SPON1: variants seen among roughly 807,000 people sequenced by gnomAD.
The protein encoded by SPON1 is spondin-1.
SPON1 carries 52 observed loss-of-function variants against 111.7 expected under a neutral mutation model. That is an observed-to-expected ratio of 0.47 (90% CI 0.37 to 0.59). The LOEUF (loss-of-function observed/expected upper bound fraction) is 0.59. SPON1 is among the 20% of genes least tolerant of loss of function. The pLI is 0.00. For missense variants in SPON1, 957 were observed against 1,068.5 expected, an observed-to-expected ratio of 0.90 and a Z score of 1.46; for synonymous variants, 410 against 395.8, an observed-to-expected ratio of 1.04 and a Z score of -0.43.
Position 14,184,877 on chromosome 11 carries a change from C to A in SPON1, c.825+49309C>A, listed in dbSNP as rs1458582449. On this transcript the variant is annotated intron_variant, in intron 6 of 15. Coordinates refer to ENST00000576479, the MANE Select transcript of SPON1 (RefSeq NM_006108.4). Reference sequence around the variant, plus strand: ...GTGCAGCAAGTAGCTACAAACTTGTCACCCTGTCTTTGAGAGATCACTCAT... The same window carrying A: ...GTGCAGCAAGTAGCTACAAACTTGTAACCCTGTCTTTGAGAGATCACTCAT... Among the ~76,000 whole-genome samples, 3 of 152,208 alleles carry A rather than the reference C, an allele frequency of 2.0e-5. No individual in the cohort carries two copies. In the South Asian group the frequency reaches 6.2e-4, roughly 32 times the overall value.
chr11:14,242,891 G>A (rs1203943331), intron 6 of SPON1, among the ~76,000 whole-genome samples: 1 of 152,202 alleles, frequency 6.6e-6, no homozygotes, highest in Non-Finnish European at 1.5e-5. Context: ...AGGCGTTGAG[G>A]GGACAGTCCT....
intron 6 of SPON1, among the ~76,000 whole-genome samples, chr11:14,174,036 A>C (rs541216476): frequency 4.7e-4 from 71 of 152,252 alleles, no homozygotes; most frequent in African/African-American, 1.7e-3. Context: ...CCCTTGGAGG[A>C]ACAGGGCCAG....
chr11:13,979,134 A>G (rs1408849103), intron 1 of SPON1, among the ~76,000 whole-genome samples: 1 of 152,138 alleles, frequency 6.6e-6, no homozygotes, highest in East Asian at 1.9e-4. Context: ...TTTCTTCTGG[A>G]GGGCTCTGAG....
intron 4 of SPON1, among the ~76,000 whole-genome samples, chr11:14,077,713 G>A (rs1183460736): frequency 6.6e-6 from 1 of 151,832 alleles, no homozygotes; most frequent in Non-Finnish European, 1.5e-5. Context: ...TCGAACTCCT[G>A]ACCTCAAGTG....
chr11:14,209,051 T>C (rs1848545544), intron 6 of SPON1, among the ~76,000 whole-genome samples: 1 of 152,214 alleles, frequency 6.6e-6, no homozygotes, highest in Non-Finnish European at 1.5e-5. Flanking sequence ...TCTTAAGTCA[T>C]TGCATACATT....
At chr11:13,978,347 A>T (rs1554909223) in intron 1 of SPON1, among the ~76,000 whole-genome samples, 1 of 152,224 alleles carries the variant, frequency 6.6e-6, no homozygotes, top group Non-Finnish European at 1.5e-5. Flanking sequence ...GATAATTGAC[A>T]TCTTTAGCAA....
intron 7 of SPON1, among the ~76,000 whole-genome samples, chr11:14,247,382 A>G (rs1467373786): frequency 6.6e-6 from 1 of 152,216 alleles, no homozygotes; most frequent in African/African-American, 2.4e-5. Flanking sequence ...TGGGTGACAG[A>G]GCGAGACCCT....
At chr11:14,037,260 A>T (rs1220867488) in intron 2 of SPON1, among the ~76,000 whole-genome samples, 2 of 152,196 alleles carry the variant, frequency 1.3e-5, no homozygotes, top group African/African-American at 2.4e-5. Context: ...TGCTTAAAAG[A>T]CAATGACAAC....
chr11:14,178,047 C>T (rs1466722980), intron 6 of SPON1, among the ~76,000 whole-genome samples: 1 of 128,678 alleles, frequency 7.8e-6, no homozygotes, highest in Non-Finnish European at 1.5e-5. Flanking sequence ...CACACACAAA[C>T]ACACACACAC....
intron 5 of SPON1, among the ~76,000 whole-genome samples, chr11:14,101,118 G>A (rs1528650): frequency 0.13 from 19,015 of 151,742 alleles, 1,419 homozygotes; most frequent in African/African-American, 0.2. Flanking sequence ...CCTGGTTTTC[G>A]GCTGGGCGCA....
chr11:14,066,772 C>G (rs372037949), intron 3 of SPON1, among the ~76,000 whole-genome samples: 74 of 152,328 alleles, frequency 4.9e-4, no homozygotes, highest in African/African-American at 1.4e-3. Flanking sequence ...CACAGGGACC[C>G]TCTGGTTCCC....
rs371477144 is a variant in SPON1 at position 14,254,520 on chromosome 11, G to A, written c.891-8G>A. On this transcript the variant is annotated splice_region_variant and splice_polypyrimidine_tract_variant and intron_variant, in intron 7 of 15. Coordinates refer to ENST00000576479, the MANE Select transcript of SPON1 (RefSeq NM_006108.4). The stretch of plus-strand genomic sequence containing the variant: ...TCTAATATAATGGTCTCTGTATTTC[G>A]TTTCCAGGAGAGCAGCACCTTCAGC... 2.8e-5 allele frequency: 44 copies of A among 1,587,764 alleles called. No individual in the cohort carries two copies. The highest frequency in any genetic ancestry group is 1.7e-4 in the Admixed American group (10 of 57,558).
At chr11:14,107,809 G>A (rs1392823097) in intron 5 of SPON1, among the ~76,000 whole-genome samples, 2 of 152,112 alleles carry the variant, frequency 1.3e-5, no homozygotes, top group Admixed American at 1.3e-4. Flanking sequence ...CAGCTCCCCA[G>A]AAAAGAGTAG....
At chr11:14,045,289 G>A (rs1848659806) in intron 3 of SPON1, among the ~76,000 whole-genome samples, 1 of 152,152 alleles carries the variant, frequency 6.6e-6, no homozygotes, top group Non-Finnish European at 1.5e-5. Flanking sequence ...GATTTACACG[G>A]CCGGGCGTGG....
chr11:14,241,489 C>T (rs181966298), intron 6 of SPON1, among the ~76,000 whole-genome samples: 2 of 152,090 alleles, frequency 1.3e-5, no homozygotes, highest in Non-Finnish European at 2.9e-5. Flanking sequence ...GAGGTGAACA[C>T]AGGAATCCTC....
intron 1 of SPON1, among the ~76,000 whole-genome samples, chr11:13,973,366 C>T (rs57082017): frequency 0.036 from 5,551 of 152,224 alleles, 363 homozygotes; most frequent in African/African-American, 0.13. Flanking sequence ...AGTGGGGGTC[C>T]CCCAGAGCTT....
rs1849257591 is a variant in SPON1, at chr11:14,265,664, G to C, written c.2401G>C (p.Ala801Pro). ...TSCKDKKEIR[A>P]CNVHPC is the part of the protein sequence containing the mutation. ...CTGCAAAGACAAGAAGGAGATCAGAGCATGCAATGTTCATCCTTGTTAGCA... is the reference window on the plus strand; with the variant it reads ...CTGCAAAGACAAGAAGGAGATCAGACCATGCAATGTTCATCCTTGTTAGCA... Residue 801 changes from alanine to proline, a missense_variant, in exon 16 of 16, where the codon GCA becomes CCA. This residue lies in a region of SPON1 where 549 missense variants were observed against 606.2 expected (regional missense o/e 0.91). Transcript: ENST00000576479. The C allele has an allele frequency of 6.2e-7, 1 of 1,613,536 alleles. No individual in the cohort carries two copies. The highest frequency in any genetic ancestry group is 1.3e-5 in the African/African-American group (1 of 74,916).
chr11:14,262,873 T>A lies in SPON1; in HGVS notation c.2158T>A (p.Cys720Ser). The change falls in exon 15 of 16, where the codon TGC becomes AGC. Residue 720 changes from cysteine to serine, a missense_variant. Physicochemically the swap from Cys to Ser is moderately radical, Grantham distance 112 (BLOSUM62 -1). Transcript: ENST00000576479. Reference sequence around the variant, plus strand: ...GCGAAAAAAGTGCCGCATCCGAAAATGCCTTCGAAATCCATCCATCCAAAA... The same window carrying A: ...GCGAAAAAAGTGCCGCATCCGAAAAAGCCTTCGAAATCCATCCATCCAAAA... ...VQRKKCRIRK[C>S]LRNPSIQKLR... 6.2e-7 allele frequency: 1 copy of A among 1,613,750 alleles called. No individual in the cohort carries two copies. The highest frequency in any genetic ancestry group is 8.5e-7 in the Non-Finnish European group (1 of 1,179,846).
chr11:14,201,276 C>T (rs1848459830), intron 6 of SPON1, among the ~76,000 whole-genome samples: 1 of 150,544 alleles, frequency 6.6e-6, no homozygotes, highest in African/African-American at 2.4e-5. Flanking sequence ...GGAGGCAGAG[C>T]TTGCAATGAG....
Sources: allele counts gnomAD v4.1 joint callset (sites outside exome capture counted in the v4.1 genomes callset), GRCh38; gene constraint gnomAD v4.1.1; regional missense constraint gnomAD v4.1.1; transcripts MANE v1.5; gene names NCBI Gene and HGNC (gene_info 2026-07-23, HGNC 2026-07-21).